Variants in ADAMTSL1 observed in about 807,000 individuals in gnomAD.
The protein encoded by ADAMTSL1 is ADAMTS like 1.
In ADAMTSL1, 126 loss-of-function variants were observed where a neutral mutation model predicts 201.8. That is an observed-to-expected ratio of 0.62 (90% CI 0.54 to 0.72). The LOEUF is 0.72. ADAMTSL1 is among the 30% of genes least tolerant of loss of function. ADAMTSL1 has a pLI of 0.00. For missense variants in ADAMTSL1, 2,679 were observed against 2,277.8 expected, an observed-to-expected ratio of 1.18 and a Z score of -3.59; for synonymous variants, 1,121 against 903.4, an observed-to-expected ratio of 1.24 and a Z score of -4.32.
chr9:18,404,053 A>T (rs963665534), intron 2 of ADAMTSL1, among the ~76,000 whole-genome samples: 2 of 152,214 alleles, frequency 1.3e-5, no homozygotes, highest in Admixed American at 6.5e-5. Context: ...TTTATGGCTT[A>T]CAATAAAATA....
chr9:18,153,242 G>T (rs1237927068), intron 1 of ADAMTSL1, among the ~76,000 whole-genome samples: 1 of 151,974 alleles, frequency 6.6e-6, no homozygotes, highest in Non-Finnish European at 1.5e-5. Context: ...CCATGGAGTG[G>T]AAAGGACATG....
chr9:18,727,872 G>A (rs529781751), intron 15 of ADAMTSL1, among the ~76,000 whole-genome samples: 16 of 152,180 alleles, frequency 1.1e-4, no homozygotes, highest in Middle Eastern at 3.4e-3. Context: ...CTGAGATCAG[G>A]AGTTCAAGAC....
Position 18,331,671 on chromosome 9 carries a change from C to T in ADAMTSL1, c.207+167690C>T, listed in dbSNP as rs899979757. Reference sequence around the variant, plus strand: ...AAACAAAAACAAAAACAATTTGCCACAAGACCCCAACTTTTCTATCCTATT... The same window carrying T: ...AAACAAAAACAAAAACAATTTGCCATAAGACCCCAACTTTTCTATCCTATT... On this transcript the variant is annotated intron_variant, in intron 2 of 29. Transcript: ENST00000680146. Among the ~76,000 whole-genome samples the T allele has an allele frequency of 3.9e-5, 6 of 152,298 alleles. No individual in the cohort carries two copies. The South Asian group carries it at 1.0e-3, about 26-fold the overall frequency.
chr9:18,746,693 G>C (rs1462471944), intron 15 of ADAMTSL1, among the ~76,000 whole-genome samples: 1 of 151,046 alleles, frequency 6.6e-6, no homozygotes, highest in Non-Finnish European at 1.5e-5. Flanking sequence ...GTTTCTGGAG[G>C]CAACAGTCAT....
chr9:18,339,165 C>T (rs1208272785), intron 2 of ADAMTSL1, among the ~76,000 whole-genome samples: 5 of 152,044 alleles, frequency 3.3e-5, no homozygotes. Flanking sequence ...ACAGAGTAAA[C>T]AGACAACCTA....
intron 1 of ADAMTSL1, among the ~76,000 whole-genome samples, chr9:17,992,118 G>T (rs1420444892): frequency 6.6e-6 from 1 of 152,102 alleles, no homozygotes; most frequent in Non-Finnish European, 1.5e-5. Context: ...GCCATATAGA[G>T]TATGGGTATA....
chr9:18,889,651 C>CTGCTGAACAG lies in ADAMTSL1; in HGVS notation c.4547_4556dup (p.Thr1520AlafsTer71). ...GGTTCAGCAGCCCCGCTTGAGGTGCCTGCTGAACAGCACGGAGGTCAACCC... is the reference window on the plus strand; with the variant it reads ...GGTTCAGCAGCCCCGCTTGAGGTGCCTGCTGAACAGTGCTGAACAGCACGGAGGTCAACCC... On this transcript the variant is annotated frameshift_variant, in exon 25 of 29. Transcript: ENST00000380548. LOFTEE classifies it high-confidence loss of function. The CTGCTGAACAG allele has an allele frequency of 6.2e-7, 1 of 1,612,502 alleles. No homozygotes were observed. Among genetic ancestry groups the CTGCTGAACAG allele is most frequent in the Non-Finnish European group, 8.5e-7 (1 of 1,179,262 alleles).
chr9:18,368,081 AT>A (rs1182666323), intron 2 of ADAMTSL1, among the ~76,000 whole-genome samples: 1 of 148,264 alleles, frequency 6.7e-6, no homozygotes, highest in Non-Finnish European at 1.5e-5. Flanking sequence ...TTTTTTTTTA[AT>A]TTTTTTTTAT....
At chr9:18,886,177 T>C (rs534337640) in intron 23 of ADAMTSL1, among the ~76,000 whole-genome samples, 1 of 106,660 alleles carries the variant, frequency 9.4e-6, no homozygotes, top group East Asian at 2.7e-4. Flanking sequence ...TATATATATA[T>C]ATATATATAT....
At position 18,169,769 on chromosome 9, in the gene ADAMTSL1, C is replaced by A. The variant is rs7470273; in HGVS notation, c.207+5788C>A. 7.2e-5 allele frequency among the ~76,000 whole-genome samples: 11 copies of A among 152,130 alleles called. No individual in the cohort carries two copies. The East Asian group carries it at 9.7e-4, about 13-fold the overall frequency. On this transcript the variant is annotated intron_variant, in intron 2 of 29. Coordinates refer to the ADAMTSL1 transcript ENST00000680146. ...TTCCTACCCATGAGCATGGAATGTT[C>A]TTCCATTTGTTTGTATCCTCTTCTA...
intron 20 of ADAMTSL1, 59 bp from the exon 21 acceptor site, chr9:18,817,050 A>G: frequency 6.3e-7 from 1 of 1,585,206 alleles, no homozygotes; most frequent in East Asian, 2.2e-5. Flanking sequence ...ATTTCAAAGG[A>G]GTGCCCCAAT....
intron 1 of ADAMTSL1, among the ~76,000 whole-genome samples, chr9:17,987,203 G>A (rs1032669703): frequency 6.6e-6 from 1 of 152,094 alleles, no homozygotes; most frequent in Non-Finnish European, 1.5e-5. Context: ...AGTAGCAGAT[G>A]CATCAGGGCA....
chr9:18,528,693 T>G (rs539650614), intron 2 of ADAMTSL1, among the ~76,000 whole-genome samples: 28 of 152,312 alleles, frequency 1.8e-4, no homozygotes, highest in African/African-American at 6.7e-4. Flanking sequence ...ATTTTTATAT[T>G]AAAATATATT....
intron 5 of ADAMTSL1, 25 bp downstream of exon 5, chr9:18,622,394 C>A (rs767339624): frequency 3.1e-5 from 50 of 1,613,790 alleles, no homozygotes; most frequent in Non-Finnish European, 3.5e-5. Flanking sequence ...GATGGGCGAC[C>A]TTTGGACTTG....
chr9:18,902,769 A>C (rs2131610286), intron 26 of ADAMTSL1, among the ~76,000 whole-genome samples: 1 of 152,340 alleles, frequency 6.6e-6, no homozygotes, highest in East Asian at 1.9e-4. Context: ...AAGAAAACTC[A>C]GCAAAACCAA....
At chr9:18,076,569 T>TA (rs1330386198) in intron 1 of ADAMTSL1, among the ~76,000 whole-genome samples, 2 of 152,186 alleles carry the variant, frequency 1.3e-5, no homozygotes, top group East Asian at 1.9e-4. Context: ...TTGAGAAAGA[T>TA]AAAAAACACC....
At chr9:18,198,158 G>T (rs1003558055) in intron 2 of ADAMTSL1, among the ~76,000 whole-genome samples, 2 of 152,004 alleles carry the variant, frequency 1.3e-5, no homozygotes, top group African/African-American at 4.8e-5. Context: ...AAAAACCCTA[G>T]AAGAAAACCT....
rs12686738 is a variant in ADAMTSL1, at chr9:18,774,332, C to G, written c.2398-1411C>G. Among the ~76,000 whole-genome samples the G allele has an allele frequency of 7.6e-4, 116 of 152,246 alleles. No homozygotes were observed. The East Asian group carries it at 7.7e-3, about 10-fold the overall frequency. Reference sequence around the variant, plus strand: ...TGAAAATTAAAGGTCTCCAAACTAACCCTCAAGCTCCTGACACTTAGAACT... The same window carrying G: ...TGAAAATTAAAGGTCTCCAAACTAAGCCTCAAGCTCCTGACACTTAGAACT... On this transcript the variant is annotated intron_variant, in intron 17 of 28. Transcript: ENST00000380548.
chr9:18,568,242 C>T (rs1355251257), intron 3 of ADAMTSL1, among the ~76,000 whole-genome samples: 4 of 151,914 alleles, frequency 2.6e-5, no homozygotes, highest in Middle Eastern at 3.4e-3. Context: ...TGGATTTTAT[C>T]GATGGATATT....
Sources: allele counts gnomAD v4.1 joint callset (sites outside exome capture counted in the v4.1 genomes callset), GRCh38; gene constraint gnomAD v4.1.1; transcripts MANE v1.5; gene names NCBI Gene and HGNC (gene_info 2026-07-23, HGNC 2026-07-21).